The following SMAD2 variants were observed in gnomAD, a reference collection of about 807,000 sequenced individuals.
SMAD2 encodes the protein SMAD family member 2.
Under a neutral mutation model 64.4 loss-of-function variants are expected in SMAD2, and 8 were observed. That is an observed-to-expected ratio of 0.12 (90% confidence interval 0.07 to 0.22). SMAD2 has a LOEUF of 0.22. SMAD2 is among the 10% of genes least tolerant of loss of function. The pLI, the probability that SMAD2 is intolerant of heterozygous loss-of-function variation, is 1.00. For missense variants in SMAD2, 289 were observed against 561.2 expected (o/e 0.51, Z 4.90); for synonymous variants, 203 against 195.8 (o/e 1.04, Z -0.31).
Position 47,840,533 on chromosome 18 carries a change from T to C in SMAD2, c.*1294A>G. On this transcript the variant is annotated 3_prime_UTR_variant, in exon 11 of 11. Coordinates refer to ENST00000262160, the MANE Select transcript of SMAD2 (RefSeq NM_005901.6). Reference sequence around the variant, plus strand: ...GCTAAATAAATGGCTTTTCCCCCAATTTTTAAAATTCTGAATTCATAATTA... The same window carrying C: ...GCTAAATAAATGGCTTTTCCCCCAACTTTTAAAATTCTGAATTCATAATTA... 2 of 232,410 alleles carry C rather than the reference T, an allele frequency of 8.6e-6. No homozygotes were observed. The allele number at this position is 232,410 out of a possible 1,614,324, so 14.4% of individuals were successfully genotyped here. A position where few individuals can be genotyped will look rare whatever the true frequency, so the allele number is the denominator to read the frequency against.
chr18:47,860,932 G>T (rs1401464663), intron 6 of SMAD2, among the ~76,000 whole-genome samples: 1 of 152,086 alleles, frequency 6.6e-6, no homozygotes, highest in Non-Finnish European at 1.5e-5. Flanking sequence ...ATACTTAAAG[G>T]GGGAATTGTG....
rs1000557805 is a variant in SMAD2, at chr18:47,840,498, T to TA, written c.*1328dup. ...CTCAGACTGCAGGTAACTTATAAGC[T>TA]AAAAAACTTGCTAAATAAATGGCTT... On this transcript the variant is annotated 3_prime_UTR_variant, in exon 11 of 11. Transcript: ENST00000262160. 2.6e-4 allele frequency: 61 copies of TA among 232,502 alleles called. 1 individual carries two copies. The highest frequency in any genetic ancestry group is 2.2e-3 in the Admixed American group (39 of 17,786). The allele number at this position is 232,502 out of a possible 1,614,324, so 14.4% of individuals were successfully genotyped here.
In SMAD2 at chr18:47,836,505, CACAG is replaced by C. The variant is rs764568176; in HGVS notation, c.*5318_*5321del. 3.7e-5 allele frequency: 8 copies of C among 219,060 alleles called. No homozygotes were observed. The highest frequency in any genetic ancestry group is 5.5e-5 in the Non-Finnish European group (6 of 109,348). 13.6% of individuals were successfully genotyped at this position (219,060 alleles called of 1,614,324 possible). A position where few individuals can be genotyped will look rare whatever the true frequency, so the allele number is the denominator to read the frequency against. ...GGTCTGTCCATGAAAGGAAAATGTA[CACAG>C]ACAAATTAAGAACATTTTACCAGGA... On this transcript the variant is annotated 3_prime_UTR_variant, in exon 11 of 11. Transcript: ENST00000262160.
intron 2 of SMAD2, among the ~76,000 whole-genome samples, chr18:47,879,385 G>A (rs2032452504): frequency 6.6e-6 from 1 of 151,984 alleles, no homozygotes; most frequent in South Asian, 2.1e-4. Context: ...TTTCACCATA[G>A]GTGTCGTGTC....
Position 47,815,302 on chromosome 18 carries a change from T to C in SMAD2, c.*26525A>G, listed in dbSNP as rs1912331902. On this transcript the variant is annotated 3_prime_UTR_variant, in exon 11 of 11. Transcript: ENST00000262160. ...CCAGATGGGATGCATGAGAAATTGA[T>C]GTGAAATGAAGGAACTGTAACTTCT... 1 of 152,228 alleles carries C rather than the reference T, an allele frequency of 6.6e-6. No individual in the cohort carries two copies. The highest frequency in any genetic ancestry group is 1.5e-5 in the Non-Finnish European group (1 of 68,036). The allele number at this position is 152,228 out of a possible 1,614,324, so 9.4% of individuals were successfully genotyped here. A position where few individuals can be genotyped will look rare whatever the true frequency, so the allele number is the denominator to read the frequency against.
Position 47,834,567 on chromosome 18 carries a change from TC to T in SMAD2, c.*7259del. On this transcript the variant is annotated 3_prime_UTR_variant, in exon 11 of 11. Coordinates refer to ENST00000262160, the MANE Select transcript of SMAD2 (RefSeq NM_005901.6). ...AGGGCATAACCTTTAAGGGCATCAGTCCCCAAAATATTTTTACATCACTAGC... is the reference window on the plus strand; with the variant it reads ...AGGGCATAACCTTTAAGGGCATCAGTCCCAAAATATTTTTACATCACTAGC... 4.9e-6 allele frequency: 1 copy of T among 206,052 alleles called. No homozygotes were observed. Among genetic ancestry groups the T allele is most frequent in the East Asian group, 7.4e-5 (1 of 13,578 alleles). 12.8% of individuals were successfully genotyped at this position (206,052 alleles called of 1,614,324 possible). A position where few individuals can be genotyped will look rare whatever the true frequency, so the allele number is the denominator to read the frequency against.
chr18:47,904,402 T>TC (rs1378475081), intron 1 of SMAD2, among the ~76,000 whole-genome samples: 4 of 151,638 alleles, frequency 2.6e-5, no homozygotes, highest in Admixed American at 2.6e-4. Flanking sequence ...CTTGCCCATC[T>TC]CCCACACACA....
chr18:47,920,605 G>C (rs754102502), intron 1 of SMAD2, among the ~76,000 whole-genome samples: 4 of 152,192 alleles, frequency 2.6e-5, no homozygotes, highest in Non-Finnish European at 5.9e-5. Flanking sequence ...AGATGTAAAG[G>C]AGGCTTACTT....
intron 2 of SMAD2, chr18:47,895,499 G>A (rs1440545634): frequency 6.6e-6 from 1 of 152,196 alleles, no homozygotes; most frequent in Non-Finnish European, 1.5e-5. Context: ...GAAGGCAGGA[G>A]TTTTGTGTTT....
chr18:47,810,845 A>G lies in SMAD2; in HGVS notation c.*30982T>C, dbSNP rs1450447054. 1 of 152,244 alleles carries G rather than the reference A, an allele frequency of 6.6e-6. No individual in the cohort carries two copies. Among genetic ancestry groups the G allele is most frequent in the Non-Finnish European group, 1.5e-5 (1 of 68,054 alleles). 9.4% of individuals were successfully genotyped at this position (152,244 alleles called of 1,614,324 possible). On this transcript the variant is annotated 3_prime_UTR_variant, in exon 11 of 11. Transcript: ENST00000262160. Reference sequence around the variant, plus strand: ...ACAGCCGCCACAGCTGAACTGTCACACTTTTGCACCATCTTCTGAATTCAG... The same window carrying G: ...ACAGCCGCCACAGCTGAACTGTCACGCTTTTGCACCATCTTCTGAATTCAG...
In SMAD2 at chr18:47,826,961, A is replaced by T. The variant is rs1221930079; in HGVS notation, c.*14866T>A. ...TCATTTTAGGGAACTGGAGGAAATG[A>T]AGAACTTTAAGGTAGACTGATGAAA... On this transcript the variant is annotated 3_prime_UTR_variant, in exon 11 of 11. Transcript: ENST00000262160. 6.6e-6 allele frequency: 1 copy of T among 152,208 alleles called. No individual in the cohort carries two copies. Among genetic ancestry groups the T allele is most frequent in the Non-Finnish European group, 1.5e-5 (1 of 68,036 alleles). The allele number at this position is 152,208 out of a possible 1,614,324, so 9.4% of individuals were successfully genotyped here.
intron 2 of SMAD2, among the ~76,000 whole-genome samples, chr18:47,891,302 T>C (rs961302817): frequency 6.6e-6 from 1 of 152,076 alleles, no homozygotes; most frequent in Admixed American, 6.5e-5. Flanking sequence ...CAAAACTCTG[T>C]CTCGTTTCTA....
intron 2 of SMAD2, among the ~76,000 whole-genome samples, chr18:47,892,198 A>ATT (rs35136920): frequency 7.7e-5 from 11 of 142,336 alleles, no homozygotes; most frequent in African/African-American, 1.9e-4. Context: ...TTACCTAGAC[A>ATT]TTTTTTTTTT....
chr18:47,834,340 T>G lies in SMAD2; in HGVS notation c.*7487A>C, dbSNP rs1391309592. 9.6e-6 allele frequency: 2 copies of G among 208,216 alleles called. No individual in the cohort carries two copies. Among genetic ancestry groups the G allele is most frequent in the African/African-American group, 4.6e-5 (2 of 43,932 alleles). 12.9% of individuals were successfully genotyped at this position (208,216 alleles called of 1,614,324 possible). ...TATGTACTCTCAATGGAGAATCGCT[T>G]TTGGGCAGTGGTTAAGGCCTCTGAT... On this transcript the variant is annotated 3_prime_UTR_variant, in exon 11 of 11. Transcript: ENST00000262160.
At chr18:47,891,134 G>T (rs1437471386) in intron 2 of SMAD2, among the ~76,000 whole-genome samples, 3 of 152,124 alleles carry the variant, frequency 2.0e-5, no homozygotes, top group Non-Finnish European at 4.4e-5. Context: ...GAGAAACCCT[G>T]TCTCTACTAA....
chr18:47,874,478 T>C (rs1281361760), intron 2 of SMAD2, among the ~76,000 whole-genome samples: 2 of 152,176 alleles, frequency 1.3e-5, no homozygotes, highest in African/African-American at 2.4e-5. Context: ...GGTATATGCA[T>C]TTGTTGAATC....
At position 47,822,698 on chromosome 18, in the gene SMAD2, G is replaced by C. The variant is rs1912614822; in HGVS notation, c.*19129C>G. The C allele has an allele frequency of 6.6e-6, 1 of 152,152 alleles. No homozygotes were observed. The highest frequency in any genetic ancestry group is 2.4e-5 in the African/African-American group (1 of 41,442). 9.4% of individuals were successfully genotyped at this position (152,152 alleles called of 1,614,324 possible). ...TGAGTATTCATTTGTTTTTGTTTTT[G>C]AGACGGAGTCTCGCTCTGTTGCCCC... is the stretch of plus-strand genomic sequence containing the variant. On this transcript the variant is annotated 3_prime_UTR_variant, in exon 11 of 11. Coordinates refer to ENST00000262160, the MANE Select transcript of SMAD2 (RefSeq NM_005901.6).
intron 1 of SMAD2, among the ~76,000 whole-genome samples, chr18:47,905,122 C>A (rs2033850307): frequency 6.6e-6 from 1 of 152,102 alleles, no homozygotes; most frequent in Non-Finnish European, 1.5e-5. Context: ...ATGGAATCTA[C>A]AAGTAATCTA....
intron 6 of SMAD2, among the ~76,000 whole-genome samples, chr18:47,860,642 G>A (rs747115587): frequency 3.3e-5 from 5 of 151,856 alleles, no homozygotes; most frequent in Non-Finnish European, 7.4e-5. Flanking sequence ...GAGAAAACAG[G>A]AGAAAGCCCT....
Sources: gnomAD v4.1 joint callset for allele counts (sites outside exome capture counted in the v4.1 genomes callset) on GRCh38, gnomAD v4.1.1 for gene constraint, MANE v1.5 for transcripts, NCBI Gene and HGNC (gene_info 2026-07-23, HGNC 2026-07-21) for gene names.